The following SLC25A28 variants were observed in gnomAD, a reference collection of about 807,000 sequenced individuals.
The protein encoded by SLC25A28 is mitoferrin-2.
A neutral mutation model predicts 31.9 loss-of-function variants in SLC25A28; 10 were observed. The observed-to-expected ratio is 0.31, with a 90% confidence interval of 0.19 to 0.53. SLC25A28 has a LOEUF of 0.53. Among genes scored for constraint, SLC25A28 ranks in the 20% least tolerant of loss-of-function variants. The pLI, the probability that SLC25A28 is intolerant of heterozygous loss-of-function variation, is 0.95. For missense variants in SLC25A28, 256 were observed against 490.3 expected (o/e 0.52, Z 4.51); for synonymous variants, 208 against 203.6 (o/e 1.02, Z -0.19).
At chr10:99,648,423 C>T in the SLC25A28 span, among the ~76,000 whole-genome samples, 1 of 152,092 alleles carries the variant, frequency 6.6e-6, no homozygotes. Flanking sequence ...TAGGATTGCT[C>T]TGGCTATTCA....
intron 1 of SLC25A28, chr10:99,615,356 CA>C (rs146386790): frequency 0.049 from 38,356 of 788,946 alleles, 10 homozygotes; most frequent in Non-Finnish European, 0.051. Context: ...AACTCCATCT[CA>C]AAAAAAAAAA....
chr10:99,652,948 T>C, the SLC25A28 span, among the ~76,000 whole-genome samples: 1 of 152,166 alleles, frequency 6.6e-6, no homozygotes, highest in Non-Finnish European at 1.5e-5. Flanking sequence ...AACTGAAGGT[T>C]TGGGGTCCCG....
chr10:99,615,622 C>T (rs1355889256), intron 1 of SLC25A28: 1 of 985,374 alleles, frequency 1.0e-6, no homozygotes, highest in Non-Finnish European at 1.2e-6. Context: ...TTTCCTACTT[C>T]CCCCCACAAA....
chr10:99,653,071 A>G, the SLC25A28 span, among the ~76,000 whole-genome samples: 3 of 152,234 alleles, frequency 2.0e-5, no homozygotes, highest in Admixed American at 6.5e-5. Flanking sequence ...ATTTAAAAGT[A>G]TGTCTACAAA....
At chr10:99,654,113 C>A in the SLC25A28 span, among the ~76,000 whole-genome samples, 1 of 152,068 alleles carries the variant, frequency 6.6e-6, no homozygotes, top group African/African-American at 2.4e-5. Flanking sequence ...ATAATCAATT[C>A]TGAGAACTTT....
At chr10:99,647,035 A>G in the SLC25A28 span, among the ~76,000 whole-genome samples, 13 of 152,230 alleles carry the variant, frequency 8.5e-5, no homozygotes, top group Admixed American at 5.9e-4. Flanking sequence ...TCCATGCTAT[A>G]TATAAAATAC....
chr10:99,641,210 C>T, the SLC25A28 span, among the ~76,000 whole-genome samples: 1 of 152,210 alleles, frequency 6.6e-6, no homozygotes, highest in African/African-American at 2.4e-5. Context: ...TATTTCTCCA[C>T]ATCCTCTCCA....
At chr10:99,630,953 A>G in the SLC25A28 span, among the ~76,000 whole-genome samples, 1 of 152,186 alleles carries the variant, frequency 6.6e-6, no homozygotes, top group Non-Finnish European at 1.5e-5. Context: ...AGAGTTAATT[A>G]GGTTACATCA....
chr10:99,637,461 AG>A, the SLC25A28 span, among the ~76,000 whole-genome samples: 1 of 152,140 alleles, frequency 6.6e-6, no homozygotes, highest in Non-Finnish European at 1.5e-5. Flanking sequence ...AGAGAAAGAA[AG>A]GACATTCAAA....
upstream of SLC25A28, chr10:99,621,067 C>G: frequency 1.2e-6 from 1 of 851,382 alleles, no homozygotes; most frequent in Non-Finnish European, 1.4e-6. Context: ...CGGCCTGGGC[C>G]GGTCATCCCT....
upstream of SLC25A28, among the ~76,000 whole-genome samples, chr10:99,624,596 A>AT (rs2034850691): frequency 6.6e-6 from 1 of 152,212 alleles, no homozygotes; most frequent in Non-Finnish European, 1.5e-5. Context: ...GCACTTTGGG[A>AT]GACCGAGGCA....
At chr10:99,623,595 C>T (rs958632092), upstream of SLC25A28, among the ~76,000 whole-genome samples, 1 of 152,180 alleles carries the variant, frequency 6.6e-6, no homozygotes, top group African/African-American at 2.4e-5. Flanking sequence ...TCGAGGATCC[C>T]CTAGCTTCAG....
At chr10:99,612,401 T>C in intron 3 of SLC25A28, 142 bp downstream of exon 3, 1 of 862,640 alleles carries the variant, frequency 1.2e-6, no homozygotes. Flanking sequence ...CCTCGTTAGG[T>C]ACCAAAAACA....
At chr10:99,614,975 T>C (rs1486776461) in intron 1 of SLC25A28, among the ~76,000 whole-genome samples, 1 of 152,240 alleles carries the variant, frequency 6.6e-6, no homozygotes, top group African/African-American at 2.4e-5. Context: ...CTACAATCAC[T>C]GGTGAGCCAA....
At chr10:99,632,091 T>A in the SLC25A28 span, among the ~76,000 whole-genome samples, 1 of 150,724 alleles carries the variant, frequency 6.6e-6, no homozygotes, top group South Asian at 2.1e-4. Context: ...AGAGACGGGG[T>A]TTCACCTTGT....
the SLC25A28 span, among the ~76,000 whole-genome samples, chr10:99,629,949 G>A: frequency 6.6e-6 from 1 of 152,154 alleles, no homozygotes; most frequent in Non-Finnish European, 1.5e-5. Flanking sequence ...CAAGGTGGGT[G>A]GATCGCTTGA....
the SLC25A28 span, among the ~76,000 whole-genome samples, chr10:99,645,718 G>A: frequency 6.6e-6 from 1 of 152,122 alleles, no homozygotes; most frequent in Non-Finnish European, 1.5e-5. Flanking sequence ...TTTGATGATG[G>A]TGACGTACAG....
chr10:99,615,496 C>T, intron 1 of SLC25A28: 1 of 985,394 alleles, frequency 1.0e-6, no homozygotes, highest in Non-Finnish European at 1.2e-6. Flanking sequence ...CCACATTCCT[C>T]TGGTTATTTT....
chr10:99,620,904 A>G (rs1368381764), upstream of SLC25A28: 18 of 985,176 alleles, frequency 1.8e-5, no homozygotes, highest in Non-Finnish European at 2.2e-5. Context: ...CGGGGCGGCG[A>G]CAGGCCTTCA....
Sources: allele counts gnomAD v4.1 joint callset (sites outside exome capture counted in the v4.1 genomes callset), GRCh38; gene constraint gnomAD v4.1.1; transcripts MANE v1.5; gene names NCBI Gene and HGNC (gene_info 2026-07-23, HGNC 2026-07-21).